The following TPRG1 variants were observed in gnomAD, a reference collection of about 807,000 sequenced individuals.
TPRG1 encodes tumor protein p63 regulated 1, also known as tumor protein p63-regulated gene 1 protein.
TPRG1 carries 29 observed loss-of-function variants against 29.3 expected under a neutral mutation model. That is an observed-to-expected ratio of 0.99 (90% CI 0.74 to 1.35). The LOEUF (loss-of-function observed/expected upper bound fraction) is 1.35, where lower values mean the gene tolerates loss of function less well. Ranked by LOEUF, TPRG1 falls within the 40% of genes most tolerant of loss-of-function variation. The pLI, the probability that TPRG1 is intolerant of heterozygous loss-of-function variation, is 0.00. For synonymous variants in TPRG1, 130 were observed against 116.8 expected (o/e 1.11, Z -0.73); for missense variants, 327 against 335.0 (o/e 0.98, Z 0.19).
chr3:189,156,854 A>G (rs1435715108), intron 5 of TPRG1, among the ~76,000 whole-genome samples: 1 of 152,204 alleles, frequency 6.6e-6, no homozygotes, highest in Non-Finnish European at 1.5e-5. Context: ...AGTTGCTTTG[A>G]TGTAAGCTGC....
intron 4 of TPRG1, among the ~76,000 whole-genome samples, chr3:189,279,988 G>A (rs1716829519): frequency 6.6e-6 from 1 of 152,136 alleles, no homozygotes; most frequent in African/African-American, 2.4e-5. Context: ...GTCTTTATCT[G>A]GAAAACCTCT....
intron 4 of TPRG1, among the ~76,000 whole-genome samples, chr3:189,025,432 C>A (rs1337778001): frequency 2.0e-5 from 3 of 152,192 alleles, no homozygotes; most frequent in Non-Finnish European, 2.9e-5. Context: ...CAATGCGAGT[C>A]CCTGGATATT....
chr3:189,022,951 C>T (rs542927968), intron 3 of TPRG1, among the ~76,000 whole-genome samples: 1 of 152,210 alleles, frequency 6.6e-6, no homozygotes, highest in East Asian at 1.9e-4. Flanking sequence ...TTAAGCCCGT[C>T]GGAAAAGCGC....
At chr3:189,108,838 G>A (rs149742865) in intron 1 of TPRG1, among the ~76,000 whole-genome samples, 11 of 152,210 alleles carry the variant, frequency 7.2e-5, no homozygotes, top group African/African-American at 2.6e-4. Flanking sequence ...TTAAGCAGGT[G>A]AGGTGGAGCT....
intron 4 of TPRG1, among the ~76,000 whole-genome samples, chr3:189,257,293 G>T (rs757163404): frequency 1.3e-5 from 2 of 152,094 alleles, no homozygotes; most frequent in Non-Finnish European, 2.9e-5. Context: ...TGAAATTCTG[G>T]GTTGAAAATT....
chr3:189,219,710 G>A (rs1736654984), intron 3 of TPRG1: 3 of 1,262,450 alleles, frequency 2.4e-6, no homozygotes. Flanking sequence ...GAGACAGGAG[G>A]AGACAGCATC....
chr3:189,114,641 G>C (rs1455966902), intron 1 of TPRG1, among the ~76,000 whole-genome samples: 2 of 152,092 alleles, frequency 1.3e-5, no homozygotes, highest in African/African-American at 4.8e-5. Flanking sequence ...TCCCAAATAA[G>C]GATTTGCCCA....
intron 3 of TPRG1, among the ~76,000 whole-genome samples, chr3:189,015,434 GA>G (rs1362241704): frequency 1.3e-5 from 2 of 151,948 alleles, no homozygotes; most frequent in African/African-American, 2.4e-5. Context: ...TGGTAGAGAA[GA>G]AAAAAACATT....
chr3:189,262,455 T>C (rs1358064690), intron 4 of TPRG1, among the ~76,000 whole-genome samples: 1 of 152,062 alleles, frequency 6.6e-6, no homozygotes, highest in African/African-American at 2.4e-5. Context: ...GTGTCATCTG[T>C]TGAGCACTTG....
chr3:189,060,131 C>T (rs1023564356), intron 4 of TPRG1, among the ~76,000 whole-genome samples: 2 of 152,166 alleles, frequency 1.3e-5, no homozygotes, highest in Non-Finnish European at 2.9e-5. Context: ...TTTCAGGAGG[C>T]TGAGGCAGGA....
At chr3:189,273,696 C>G (rs1234942368) in intron 4 of TPRG1, among the ~76,000 whole-genome samples, 1 of 152,148 alleles carries the variant, frequency 6.6e-6, no homozygotes, top group Non-Finnish European at 1.5e-5. Context: ...TCCTTTATTT[C>G]TCCTCATCCC....
At chr3:189,141,840 A>G (rs1013447134) in intron 3 of TPRG1, among the ~76,000 whole-genome samples, 2 of 152,216 alleles carry the variant, frequency 1.3e-5, no homozygotes, top group African/African-American at 4.8e-5. Context: ...AAGTGTAATG[A>G]AGGAAGAGAA....
chr3:189,187,933 C>T (rs1224691270), intron 1 of TPRG1, among the ~76,000 whole-genome samples: 1 of 152,118 alleles, frequency 6.6e-6, no homozygotes, highest in East Asian at 1.9e-4. Flanking sequence ...TGATATATCA[C>T]CCACAATGTT....
upstream of TPRG1, among the ~76,000 whole-genome samples, chr3:189,096,715 GTGT>G (rs1358929146): frequency 1.3e-5 from 2 of 152,158 alleles, no homozygotes; most frequent in Non-Finnish European, 2.9e-5. Context: ...AAAGAAAGTG[GTGT>G]TGTTTTACAT....
chr3:189,213,609 C>T (rs1042506732), intron 2 of TPRG1, among the ~76,000 whole-genome samples: 1 of 152,158 alleles, frequency 6.6e-6, no homozygotes, highest in African/African-American at 2.4e-5. Context: ...AAAAGGTATA[C>T]AGCAAAACAT....
intron 5 of TPRG1, chr3:189,313,073 A>G (rs1456353917): frequency 1.3e-5 from 2 of 150,898 alleles, no homozygotes; most frequent in Non-Finnish European, 2.9e-5. Context: ...TCCTTTAGCA[A>G]TAGTCTGGCA....
At chr3:189,155,247 A>G (rs1227702080) in intron 5 of TPRG1, among the ~76,000 whole-genome samples, 1 of 152,192 alleles carries the variant, frequency 6.6e-6, no homozygotes, top group African/African-American at 2.4e-5. Flanking sequence ...GGGTAGAAGG[A>G]TGGACAGAAG....
intron 5 of TPRG1, chr3:189,315,390 C>T: frequency 9.7e-6 from 4 of 414,082 alleles, no homozygotes; most frequent in South Asian, 1.8e-5. Context: ...TATTGTATCT[C>T]AAAACCTGGC....
intron 4 of TPRG1, among the ~76,000 whole-genome samples, chr3:189,059,363 C>T (rs563508865): frequency 2.0e-5 from 3 of 151,924 alleles, no homozygotes; most frequent in South Asian, 2.1e-4. Context: ...GAGGCTGAGG[C>T]GGGTGGATCA....
Sources: allele counts gnomAD v4.1 joint callset (sites outside exome capture counted in the v4.1 genomes callset), GRCh38; gene constraint gnomAD v4.1.1; transcripts MANE v1.5; gene names NCBI Gene and HGNC (gene_info 2026-07-23, HGNC 2026-07-21).